Variants in ITFG2 observed in about 807,000 individuals in gnomAD.
The protein encoded by ITFG2 is KICSTOR complex protein ITFG2.
Under a neutral mutation model 54.4 loss-of-function variants are expected in ITFG2, and 36 were observed. The ratio of observed to expected loss-of-function variants is 0.66; its 90% CI spans 0.51 to 0.87. The LOEUF is 0.87. Ranked by LOEUF, ITFG2 falls within the 40% of genes least tolerant of loss-of-function variation. ITFG2 has a pLI of 0.00. For synonymous variants in ITFG2, 211 were observed against 225.4 expected (o/e 0.94, Z 0.57); for missense variants, 524 against 576.7 (o/e 0.91, Z 0.94).
intron 2 of ITFG2, chr12:2,849,158 C>T (rs572900304): frequency 7.0e-7 from 1 of 1,436,514 alleles, no homozygotes; most frequent in South Asian, 1.4e-5. Flanking sequence ...GGGCCTCTTG[C>T]TGAAGGAGCA....
intron 2 of ITFG2, chr12:2,854,852 G>T: frequency 6.7e-7 from 1 of 1,494,766 alleles, no homozygotes; most frequent in South Asian, 1.3e-5. Flanking sequence ...GGGTCACCTG[G>T]GCAGGGCAGG....
In ITFG2 at chr12:2,824,275, A is replaced by G; in HGVS notation, c.*82A>G. On this transcript the variant is annotated 3_prime_UTR_variant, in exon 12 of 12. Transcript: ENST00000228799. ...AAGGTATCTGTGGTATTGGCAGGATAGGGAATATGCATTACAGAAATGCAG... is the reference window on the plus strand; with the variant it reads ...AAGGTATCTGTGGTATTGGCAGGATGGGGAATATGCATTACAGAAATGCAG... 7.3e-7 allele frequency: 1 copy of G among 1,361,130 alleles called. No homozygotes were observed. The allele number at this position is 1,361,130 out of a possible 1,614,324, so 84.3% of individuals were successfully genotyped here. A position where few individuals can be genotyped will look rare whatever the true frequency, so the allele number is the denominator to read the frequency against.
At chr12:2,834,917 C>T, upstream of ITFG2, 11 of 1,613,462 alleles carry the variant, frequency 6.8e-6, no homozygotes, top group South Asian at 1.1e-5. Flanking sequence ...TGTCTCTGTC[C>T]CGTGCTGCAG....
At chr12:2,828,052 G>A (rs775722412), downstream of ITFG2, 14 of 1,611,552 alleles carry the variant, frequency 8.7e-6, no homozygotes, top group Non-Finnish European at 1.1e-5. Flanking sequence ...TCTAACCTGT[G>A]GTTGGGAAGC....
At chr12:2,858,857 G>A (rs760422215) in intron 3 of ITFG2, 3 of 1,614,154 alleles carry the variant, frequency 1.9e-6, no homozygotes, top group African/African-American at 1.3e-5. Context: ...AGGGAGAAGA[G>A]TTGCCAAAGG....
intron 3 of ITFG2, chr12:2,858,946 TG>T (rs771889374): frequency 6.2e-7 from 1 of 1,612,964 alleles, no homozygotes; most frequent in East Asian, 2.2e-5. Flanking sequence ...TGCAAGGGAG[TG>T]GTGCTGAGAT....
At chr12:2,855,661 G>T (rs573603491) in intron 2 of ITFG2, among the ~76,000 whole-genome samples, 2 of 152,248 alleles carry the variant, frequency 1.3e-5, no homozygotes, top group African/African-American at 4.8e-5. Flanking sequence ...CTCATCTTTT[G>T]ATCTCTTGCC....
downstream of ITFG2, among the ~76,000 whole-genome samples, chr12:2,828,651 C>T (rs1411841838): frequency 6.6e-6 from 1 of 151,884 alleles, no homozygotes; most frequent in Non-Finnish European, 1.5e-5. Context: ...ACCAGCCTGA[C>T]CAGGGTTTAG....
intron 3 of ITFG2, chr12:2,859,008 T>C (rs2098100873): frequency 6.2e-7 from 1 of 1,612,432 alleles, no homozygotes; most frequent in African/African-American, 1.3e-5. Flanking sequence ...CTGGGAGGTT[T>C]GTACTGGGCT....
intron 4 of ITFG2, among the ~76,000 whole-genome samples, chr12:2,819,345 G>A (rs949993514): frequency 2.0e-5 from 3 of 152,098 alleles, no homozygotes; most frequent in Non-Finnish European, 4.4e-5. Context: ...GTGGGCACCT[G>A]TAGTCCCAGC....
chr12:2,839,623 G>C (rs895966988), intron 1 of ITFG2, among the ~76,000 whole-genome samples: 2 of 152,156 alleles, frequency 1.3e-5, no homozygotes, highest in African/African-American at 4.8e-5. Context: ...CGCTGAGCTA[G>C]GCCCTGGGTG....
chr12:2,841,735 T>C (rs2153927196), intron 2 of ITFG2, among the ~76,000 whole-genome samples: 1 of 152,166 alleles, frequency 6.6e-6, no homozygotes, highest in East Asian at 1.9e-4. Context: ...TTTTTTTTCT[T>C]TGAGACAGAG....
At chr12:2,839,716 A>G (rs567224340) in intron 1 of ITFG2, among the ~76,000 whole-genome samples, 2 of 152,314 alleles carry the variant, frequency 1.3e-5, no homozygotes, top group African/African-American at 4.8e-5. Context: ...AACTAAATTT[A>G]TAACCTCAGG....
chr12:2,812,701 CGACGGGGGTTCAGG>C lies in ITFG2; in HGVS notation c.-57_-44del. On this transcript the variant is annotated 5_prime_UTR_variant, in exon 1 of 12. Transcript: ENST00000228799. ...TGGCCTTCCGCTCTGGCGGCTGTCG[CGACGGGGGTTCAGG>C]GAATATTTACTGGGCCTCTCCGCTC... is the stretch of plus-strand genomic sequence containing the variant. 4 of 1,477,684 alleles carry C rather than the reference CGACGGGGGTTCAGG, an allele frequency of 2.7e-6. No individual in the cohort carries two copies. The highest frequency in any genetic ancestry group is 3.8e-6 in the Non-Finnish European group (4 of 1,060,294). The allele number at this position is 1,477,684 out of a possible 1,614,324, so 91.5% of individuals were successfully genotyped here.
At chr12:2,812,975 G>T in intron 1 of ITFG2, 119 bp downstream of exon 1, 1 of 824,148 alleles carries the variant, frequency 1.2e-6, no homozygotes, top group Non-Finnish European at 2.0e-6. Flanking sequence ...TGGCTAGTTT[G>T]GAGCGCTAGA....
chr12:2,818,517 G>T (rs543867701), intron 4 of ITFG2: 7 of 639,702 alleles, frequency 1.1e-5, no homozygotes, highest in Non-Finnish European at 1.8e-5. Flanking sequence ...AACAATATAG[G>T]CTAGGTGTGC....
At chr12:2,847,977 C>T (rs190374132) in intron 2 of ITFG2, among the ~76,000 whole-genome samples, 102 of 152,334 alleles carry the variant, frequency 6.7e-4, no homozygotes, top group Middle Eastern at 3.4e-3. Context: ...TGGAGGGCCA[C>T]CAGTGTGCTA....
At chr12:2,856,188 G>A (rs1212673430) in intron 2 of ITFG2, among the ~76,000 whole-genome samples, 2 of 152,188 alleles carry the variant, frequency 1.3e-5, no homozygotes, top group African/African-American at 4.8e-5. Context: ...CACAGTAAGG[G>A]TAGGTGACTC....
At chr12:2,855,306 T>A (rs753222130) in intron 2 of ITFG2, 1 of 1,528,096 alleles carries the variant, frequency 6.5e-7, no homozygotes, top group South Asian at 1.2e-5. Context: ...ACTTCATATC[T>A]GTGCAGGGCG....
Sources: gnomAD v4.1 joint callset for allele counts (sites outside exome capture counted in the v4.1 genomes callset) on GRCh38, gnomAD v4.1.1 for gene constraint, MANE v1.5 for transcripts, NCBI Gene and HGNC (gene_info 2026-07-23, HGNC 2026-07-21) for gene names.